Variants in SULT1B1 observed in about 807,000 individuals in gnomAD.
The protein encoded by SULT1B1 is sulfotransferase 1B1.
A neutral mutation model predicts 34.6 loss-of-function variants in SULT1B1; 28 were observed. The observed-to-expected ratio is 0.81, with a 90% CI of 0.60 to 1.11. SULT1B1 has a LOEUF of 1.11. Among genes scored for constraint, SULT1B1 ranks in the 50% least tolerant of loss-of-function variants. The pLI is 0.00. For missense variants in SULT1B1, 374 were observed against 352.2 expected (o/e 1.06, Z -0.50); for synonymous variants, 147 against 110.2 (o/e 1.33, Z -2.09).
At chr4:69,734,286 G>A (rs1718213226) in intron 4 of SULT1B1, 22 bp from the exon 5 acceptor site, 1 of 1,596,160 alleles carries the variant, frequency 6.3e-7, no homozygotes, top group Non-Finnish European at 8.5e-7. Context: ...GGTGGGGGTA[G>A]GAGAAAAAAA....
intron 1 of SULT1B1, 136 bp downstream of exon 1, chr4:69,760,323 C>T: frequency 1.8e-6 from 1 of 551,218 alleles, no homozygotes; most frequent in East Asian, 1.5e-4. Context: ...TGAAAGTTTC[C>T]TATAAGAAAA....
In SULT1B1 at chr4:69,740,012, G is replaced by C. The variant is rs138647005; in HGVS notation, c.376-5748C>G. On this transcript the variant is annotated intron_variant, in intron 4 of 7. Coordinates refer to ENST00000310613, the MANE Select transcript of SULT1B1 (RefSeq NM_014465.4). ...AAACCATTCAATAATTTTCTAGGAAGTTCCAAACTTTTCCACATCTTCCAG... is the reference window on the plus strand; with the variant it reads ...AAACCATTCAATAATTTTCTAGGAACTTCCAAACTTTTCCACATCTTCCAG... Among the ~76,000 whole-genome samples, 240 of 152,286 alleles carry C rather than the reference G, an allele frequency of 1.6e-3. 1 individual carries two copies. The highest frequency in any genetic ancestry group is 5.5e-3 in the African/African-American group (230 of 41,570).
At position 69,726,910 on chromosome 4, in the gene SULT1B1, T is replaced by C; in HGVS notation, c.*178A>G. The C allele has an allele frequency of 4.2e-6, 2 of 473,450 alleles. No homozygotes were observed. Among genetic ancestry groups the C allele is most frequent in the Non-Finnish European group, 7.2e-6 (2 of 276,014 alleles). 29.3% of individuals were successfully genotyped at this position (473,450 alleles called of 1,614,324 possible). ...CTTTAGCCTTAGAGAATTTGGAAAC[T>C]CAGAATCAAAGGAACAAAACTGGGA... On this transcript the variant is annotated 3_prime_UTR_variant, in exon 8 of 8. Coordinates refer to ENST00000310613, the MANE Select transcript of SULT1B1 (RefSeq NM_014465.4).
intron 3 of SULT1B1, 68 bp from the exon 4 acceptor site, chr4:69,749,886 CA>C: frequency 8.3e-7 from 1 of 1,211,302 alleles, no homozygotes; most frequent in Non-Finnish European, 1.2e-6. Context: ...CTTATTTTGC[CA>C]ACCAGTTTTT....
At chr4:69,750,388 G>A (rs1718934606) in intron 3 of SULT1B1, among the ~76,000 whole-genome samples, 1 of 152,034 alleles carries the variant, frequency 6.6e-6, no homozygotes, top group Non-Finnish European at 1.5e-5. Context: ...TTAGATATTA[G>A]CTTAACTCTC....
At chr4:69,735,249 C>T (rs1226922925) in intron 4 of SULT1B1, among the ~76,000 whole-genome samples, 2 of 152,140 alleles carry the variant, frequency 1.3e-5, no homozygotes, top group Non-Finnish European at 2.9e-5. Flanking sequence ...TCCTTTTTAT[C>T]TCCTATATAC....
chr4:69,727,209 A>T lies in SULT1B1; in HGVS notation c.779-9T>A, dbSNP rs770386490. On this transcript the variant is annotated splice_polypyrimidine_tract_variant and intron_variant, in intron 7 of 7. Transcript: ENST00000310613. ...CCAGTCACCAGCCGTCCCTAAAGGT[A>T]AATAAAAAAACATAGGAAAGAATAA... is the stretch of plus-strand genomic sequence containing the variant. 5.0e-6 allele frequency: 8 copies of T among 1,596,244 alleles called. No homozygotes were observed. The African/African-American group carries it at 1.1e-4, about 22-fold the overall frequency.
rs941446991 is a variant in SULT1B1 at position 69,721,244 on chromosome 4, G to A, written c.*5844C>T. ...ACTTCACTGCTGAAAGTAATGTCTC[G>A]ATAATGTGGAAATTTTACATATATA... is the stretch of plus-strand genomic sequence containing the variant. On this transcript the variant is annotated 3_prime_UTR_variant, in exon 8 of 8. Transcript: ENST00000310613. The A allele has an allele frequency of 3.3e-5, 5 of 151,994 alleles. No homozygotes were observed. Among genetic ancestry groups the A allele is most frequent in the East Asian group, 1.9e-4 (1 of 5,186 alleles). 9.4% of individuals were successfully genotyped at this position (151,994 alleles called of 1,614,324 possible).
chr4:69,754,671 T>C lies in SULT1B1; in HGVS notation c.276A>G (p.Ser92=), dbSNP rs761871331. ...LEMTLPGLRT[S]GIEQLEKNPS... ...TAATTCCAAGTGGGTTAAATTTACC[T>C]GATGTTCTTAATCCAGGGAGAGTCA... Residue 92 remains serine (S), a splice_region_variant and synonymous_variant, in exon 3 of 8, where the codon TCA becomes TCG. Transcript: ENST00000310613. The C allele has an allele frequency of 2.5e-6, 4 of 1,612,466 alleles. No individual in the cohort carries two copies. The South Asian group carries it at 4.4e-5, about 18-fold the overall frequency.
rs375279564 is a variant in SULT1B1, at chr4:69,737,244, T to C, written c.376-2980A>G. 7.9e-5 allele frequency among the ~76,000 whole-genome samples: 12 copies of C among 152,240 alleles called. No individual in the cohort carries two copies. In the East Asian group the frequency reaches 2.1e-3, roughly 27 times the overall value. On this transcript the variant is annotated intron_variant, in intron 4 of 7. Transcript: ENST00000310613. ...TATATTGTCAATTCCAAATCCTGTA[T>C]CCAGTAAAACTGTTCTCACTCAAGA...
chr4:69,743,324 A>C (rs543556913), intron 4 of SULT1B1, among the ~76,000 whole-genome samples: 2 of 152,298 alleles, frequency 1.3e-5, no homozygotes, highest in South Asian at 4.1e-4. Context: ...CCCTGGAGTG[A>C]GTAGCTTCTC....
intron 4 of SULT1B1, among the ~76,000 whole-genome samples, chr4:69,737,600 G>A (rs1718369798): frequency 6.6e-6 from 1 of 151,992 alleles, no homozygotes; most frequent in African/African-American, 2.4e-5. Context: ...TGGAAGTAAG[G>A]TATTTACACT....
chr4:69,733,185 G>A (rs1718151489), intron 6 of SULT1B1, among the ~76,000 whole-genome samples: 1 of 152,126 alleles, frequency 6.6e-6, no homozygotes. Flanking sequence ...AGAAGAAAGA[G>A]TGGTCAGATA....
intron 4 of SULT1B1, among the ~76,000 whole-genome samples, chr4:69,742,407 T>C (rs1013003112): frequency 1.3e-5 from 2 of 152,246 alleles, no homozygotes; most frequent in African/African-American, 2.4e-5. Context: ...GGAGTCCTTC[T>C]TCCTTGACTT....
At chr4:69,754,174 G>A (rs759638925) in intron 3 of SULT1B1, among the ~76,000 whole-genome samples, 5 of 151,884 alleles carry the variant, frequency 3.3e-5, no homozygotes, top group Admixed American at 6.5e-5. Context: ...ACTTTTTGAC[G>A]TCACAATATT....
chr4:69,757,518 G>A (rs946926829), intron 1 of SULT1B1, among the ~76,000 whole-genome samples: 1 of 151,854 alleles, frequency 6.6e-6, no homozygotes, highest in Non-Finnish European at 1.5e-5. Flanking sequence ...CTTTTGACTA[G>A]GAAAAACATG....
At chr4:69,752,425 C>G (rs905258754) in intron 3 of SULT1B1, among the ~76,000 whole-genome samples, 2 of 152,016 alleles carry the variant, frequency 1.3e-5, no homozygotes, top group African/African-American at 4.8e-5. Flanking sequence ...AAATTAAGTA[C>G]TCAAGGAAAT....
Position 69,726,942 on chromosome 4 carries a change from T to A in SULT1B1, c.*146A>T. 1 of 552,438 alleles carries A rather than the reference T, an allele frequency of 1.8e-6. No individual in the cohort carries two copies. The highest frequency in any genetic ancestry group is 3.0e-6 in the Non-Finnish European group (1 of 334,704). The allele number at this position is 552,438 out of a possible 1,614,324, so 34.2% of individuals were successfully genotyped here. A position where few individuals can be genotyped will look rare whatever the true frequency, so the allele number is the denominator to read the frequency against. ...CAAAGGAACAAAACTGGGATCTGAT[T>A]AATAACATTGAAAAGAATCAACATA... On this transcript the variant is annotated 3_prime_UTR_variant, in exon 8 of 8. Transcript: ENST00000310613.
intron 7 of SULT1B1, among the ~76,000 whole-genome samples, chr4:69,729,120 A>G (rs1717958840): frequency 6.6e-6 from 1 of 152,084 alleles, no homozygotes; most frequent in South Asian, 2.1e-4. Flanking sequence ...ATATTCACGT[A>G]TCTATCACAA....
Sources: allele counts gnomAD v4.1 joint callset (sites outside exome capture counted in the v4.1 genomes callset), GRCh38; gene constraint gnomAD v4.1.1; transcripts MANE v1.5; gene names NCBI Gene and HGNC (gene_info 2026-07-23, HGNC 2026-07-21).